The following WFS1 variants were observed in gnomAD, a reference collection of about 807,000 sequenced individuals.
WFS1 encodes the protein wolframin.
WFS1 carries 90 observed loss-of-function variants against 68.5 expected under a neutral mutation model. That is an observed-to-expected ratio of 1.31 (90% confidence interval 1.11 to 1.56). The LOEUF is 1.56. Ranked by LOEUF, WFS1 falls within the 40% of genes most tolerant of loss-of-function variation. WFS1 has a pLI of 0.00. For missense variants in WFS1, 1,767 were observed against 1,232.6 expected (o/e 1.43, Z -6.49); for synonymous variants, 860 against 540.7 (o/e 1.59, Z -8.19).
rs199533137 is a variant in WFS1, at chr4:6,289,073, G to A, written c.402G>A (p.Ala134=). The change falls in exon 4 of 8, where the codon GCG becomes GCA. Residue 134 remains alanine, a synonymous_variant. Coordinates refer to ENST00000226760, the MANE Select transcript of WFS1 (RefSeq NM_006005.3). ...CTGTGGACTGGCTGGTCCTCGCCGC[G>A]AAGCAGGGCCGTCGCGAGGCTGTGA... ...CTAVDWLVLA[A]KQGRREAVKL... 743 of 1,591,532 alleles carry A rather than the reference G, an allele frequency of 4.7e-4. 5 individuals carry two copies. In the East Asian group the frequency reaches 0.011, roughly 23 times the overall value.
intron 2 of WFS1, among the ~76,000 whole-genome samples, chr4:6,286,658 T>G (rs898618424): frequency 1.2e-4 from 18 of 152,184 alleles, no homozygotes; most frequent in African/African-American, 3.6e-4. Context: ...AACATGAACT[T>G]GATTTGTTGG....
rs776438901 is a variant in WFS1 at position 6,297,894 on chromosome 4, TC to T, written c.861+2708del. On this transcript the variant is annotated intron_variant, in intron 7 of 7. Coordinates refer to ENST00000226760, the MANE Select transcript of WFS1 (RefSeq NM_006005.3). ...ATTGGGGCTTTAAAAAGGGGATCGT[TC>T]CCTGGTCATCGAGTTCAGGTGGGGG... Among the ~76,000 whole-genome samples the T allele has an allele frequency of 6.4e-4, 97 of 152,258 alleles. No homozygotes were observed. The Middle Eastern group carries it at 0.01, about 16-fold the overall frequency.
intron 7 of WFS1, among the ~76,000 whole-genome samples, chr4:6,295,612 G>C (rs1409755073): frequency 6.6e-6 from 1 of 152,242 alleles, no homozygotes; most frequent in African/African-American, 2.4e-5. Flanking sequence ...TGTCCGTCAG[G>C]CCAGGGAGGA....
intron 2 of WFS1, among the ~76,000 whole-genome samples, chr4:6,281,094 G>C (rs942972811): frequency 7.2e-5 from 11 of 152,182 alleles, no homozygotes; most frequent in African/African-American, 2.7e-4. Context: ...CCAGCCATTG[G>C]GGGTAGGGGG....
intron 1 of WFS1, among the ~76,000 whole-genome samples, chr4:6,276,584 C>G (rs972038477): frequency 6.6e-6 from 1 of 152,166 alleles, no homozygotes; most frequent in Non-Finnish European, 1.5e-5. Flanking sequence ...AATCCCAGCT[C>G]CACCCATTTG....
chr4:6,277,696 GCAGGCTGGGAAGCC>G lies in WFS1; in HGVS notation c.232+19_232+32del, dbSNP rs1448769285. The G allele has an allele frequency of 1.4e-5, 22 of 1,553,746 alleles. No homozygotes were observed. The highest frequency in any genetic ancestry group is 1.8e-5 in the Non-Finnish European group (21 of 1,149,584). The stretch of plus-strand genomic sequence containing the variant: ...AAGAGCAGACGGCACCGGTAAGGGA[GCAGGCTGGGAAGCC>G]CAGGCTGGGGATGTTCAGGGATAGC... On this transcript the variant is annotated intron_variant, in intron 2 of 7. Coordinates refer to ENST00000226760, the MANE Select transcript of WFS1 (RefSeq NM_006005.3).
chr4:6,291,135 C>T (rs573469724), intron 4 of WFS1, 62 bp from the exon 5 acceptor site: 1 of 1,581,378 alleles, frequency 6.3e-7, no homozygotes, highest in Admixed American at 1.7e-5. Context: ...TTGGCAGGGT[C>T]AGAGTGGCAC....
In WFS1 at chr4:6,302,691, C is replaced by G. The variant is rs905909594; in HGVS notation, c.*223C>G. On this transcript the variant is annotated 3_prime_UTR_variant, in exon 8 of 8. Transcript: ENST00000226760. ...TACCAAGTGTGTTGGGAATTGCATG[C>G]CATCTCCACCCTGAGCCTGACCTTT... 1 of 653,646 alleles carries G rather than the reference C, an allele frequency of 1.5e-6. No individual in the cohort carries two copies. The highest frequency in any genetic ancestry group is 1.8e-5 in the African/African-American group (1 of 55,060). The allele number at this position is 653,646 out of a possible 1,614,324, so 40.5% of individuals were successfully genotyped here. A position where few individuals can be genotyped will look rare whatever the true frequency, so the allele number is the denominator to read the frequency against.
intron 6 of WFS1, 79 bp downstream of exon 6, chr4:6,292,076 C>T: frequency 7.1e-7 from 1 of 1,406,872 alleles, no homozygotes; most frequent in Non-Finnish European, 9.8e-7. Context: ...CTGTGCGACT[C>T]CATCCTGGCC....
Position 6,302,511 on chromosome 4 carries a change from G to C in WFS1, c.*43G>C. On this transcript the variant is annotated 3_prime_UTR_variant, in exon 8 of 8. Transcript: ENST00000226760. ...GAGCTTCCAGTGCATGTTGCCATGA[G>C]GCCTTTCCCCAGTGTGGCCCCAGCC... is the stretch of plus-strand genomic sequence containing the variant. 1.2e-6 allele frequency: 2 copies of C among 1,609,832 alleles called. No individual in the cohort carries two copies. Among genetic ancestry groups the C allele is most frequent in the Non-Finnish European group, 8.5e-7 (1 of 1,179,596 alleles).
chr4:6,300,770 C>T lies in WFS1; in HGVS notation c.975C>T (p.Asn325=), dbSNP rs141177727. The T allele has an allele frequency of 1.9e-4, 299 of 1,614,080 alleles. No individual in the cohort carries two copies. Among genetic ancestry groups the T allele is most frequent in the South Asian group, 3.7e-4 (34 of 91,068 alleles). The change falls in exon 8 of 8, where the codon AAC becomes AAT. Residue 325 remains asparagine, a synonymous_variant. Transcript: ENST00000226760. The part of the protein sequence containing the change: ...LSTIIPTHHI[N]ALIFFFIVSN... ...CCATCATCCCCACGCACCACATCAA[C>T]GCGCTCATCTTCTTCTTCATCGTCA...
intron 7 of WFS1, among the ~76,000 whole-genome samples, chr4:6,298,568 A>G (rs1298140971): frequency 6.6e-6 from 1 of 151,894 alleles, no homozygotes; most frequent in Admixed American, 6.6e-5. Flanking sequence ...GTAGACGTGC[A>G]TGCACACACT....
intron 7 of WFS1, among the ~76,000 whole-genome samples, chr4:6,298,302 G>C (rs1269411773): frequency 1.3e-5 from 2 of 152,202 alleles, no homozygotes; most frequent in African/African-American, 4.8e-5. Flanking sequence ...AACAAACCCT[G>C]GAGTAGGTTG....
Position 6,287,061 on chromosome 4 carries a change from T to G in WFS1, c.233-32T>G. The G allele has an allele frequency of 2.6e-6, 4 of 1,544,648 alleles. No individual in the cohort carries two copies. Among genetic ancestry groups the G allele is most frequent in the Non-Finnish European group, 3.5e-6 (4 of 1,139,988 alleles). On this transcript the variant is annotated intron_variant, in intron 2 of 7. Transcript: ENST00000226760. The surrounding 1 kb of genome is among the most constrained non-coding windows in gnomAD (Gnocchi z 6.4). ...TGACAAGTGACAAAGTCTGGCTTTGTGACATGTGTGTTTGTTTCTTCTGTG... is the reference window on the plus strand; with the variant it reads ...TGACAAGTGACAAAGTCTGGCTTTGGGACATGTGTGTTTGTTTCTTCTGTG...
Position 6,302,041 on chromosome 4 carries a change from C to A in WFS1, c.2246C>A (p.Thr749Lys). The change falls in exon 8 of 8, where the codon ACG (threonine) becomes AAG (lysine). Residue 749 changes from threonine to lysine, a missense_variant. Coordinates refer to ENST00000226760, the MANE Select transcript of WFS1 (RefSeq NM_006005.3). Reference sequence around the variant, plus strand: ...GCCTGCAGCCCTGGCAACACCTCCACGGCCGAGGAGGAGCTCTGTCGCCTT... The same window carrying A: ...GCCTGCAGCCCTGGCAACACCTCCAAGGCCGAGGAGGAGCTCTGTCGCCTT... ...YPACSPGNTS[T>K]AEEELCRLKL... 3.1e-6 allele frequency: 5 copies of A among 1,612,820 alleles called. No individual in the cohort carries two copies. In the East Asian group the frequency reaches 8.9e-5, roughly 29 times the overall value.
At chr4:6,288,160 T>A (rs1730363664) in intron 3 of WFS1, among the ~76,000 whole-genome samples, 1 of 147,218 alleles carries the variant, frequency 6.8e-6, no homozygotes, top group African/African-American at 2.5e-5. Flanking sequence ...GAGGTTGCAG[T>A]GAGCCGAGAT....
At position 6,274,986 on chromosome 4, in the gene WFS1, A is replaced by C. The variant is rs182641434; in HGVS notation, c.-5-2465A>C. 3.1e-4 allele frequency among the ~76,000 whole-genome samples: 47 copies of C among 152,258 alleles called. No individual in the cohort carries two copies. The East Asian group carries it at 8.1e-3, about 26-fold the overall frequency. On this transcript the variant is annotated intron_variant, in intron 1 of 7. Transcript: ENST00000226760. ...CCCTGCACCTGGGTTCCTGTCTGTG[A>C]AGTGGGGTGAGGTTGAAGGATAAAA... is the stretch of plus-strand genomic sequence containing the variant.
intron 1 of WFS1, among the ~76,000 whole-genome samples, chr4:6,275,242 G>T (rs1049550116): frequency 5.3e-5 from 8 of 152,210 alleles, no homozygotes; most frequent in African/African-American, 1.9e-4. Context: ...TGACTTCGGG[G>T]CAGTGGGAAC....
chr4:6,287,289 G>A lies in WFS1; in HGVS notation c.315+114G>A. ...TCGGTGCCTGAGATCGGGGTCAGGA[G>A]CCAGCGTGGTGCACCCTACCCCACT... On this transcript the variant is annotated intron_variant, in intron 3 of 7. Transcript: ENST00000226760. The surrounding 1 kb of genome is among the most constrained non-coding windows in gnomAD (Gnocchi z 6.4). 2.0e-6 allele frequency: 2 copies of A among 986,258 alleles called. No individual in the cohort carries two copies. The highest frequency in any genetic ancestry group is 3.1e-6 in the Non-Finnish European group (2 of 640,076). 61.1% of individuals were successfully genotyped at this position (986,258 alleles called of 1,614,324 possible).
Sources: gnomAD v4.1 joint callset for allele counts (sites outside exome capture counted in the v4.1 genomes callset) on GRCh38, gnomAD v4.1.1 for gene constraint, Gnocchi (gnomAD v3.1) non-coding constraint, MANE v1.5 for transcripts, NCBI Gene and HGNC (gene_info 2026-07-23, HGNC 2026-07-21) for gene names.